CDH13: variants seen among roughly 807,000 people sequenced by gnomAD.
CDH13 encodes the protein cadherin-13.
A neutral mutation model predicts 63.8 loss-of-function variants in CDH13; 24 were observed. That is an observed-to-expected ratio of 0.38 (90% confidence interval 0.27 to 0.53). The LOEUF is 0.53. Ranked by LOEUF, CDH13 falls within the 20% of genes least tolerant of loss-of-function variation. CDH13 has a pLI of 0.85. For missense variants in CDH13, 1,049 were observed against 903.1 expected, an observed-to-expected ratio of 1.16 and a Z score of -2.07; for synonymous variants, 503 against 355.3, an observed-to-expected ratio of 1.42 and a Z score of -4.67.
At chr16:83,366,142 AT>A (rs1192249400) in intron 6 of CDH13, among the ~76,000 whole-genome samples, 3 of 152,234 alleles carry the variant, frequency 2.0e-5, no homozygotes, top group Admixed American at 1.3e-4. Context: ...TCACAACAAA[AT>A]AACAGGGATT....
chr16:83,013,540 C>T (rs1007724591), intron 2 of CDH13, among the ~76,000 whole-genome samples: 29 of 152,222 alleles, frequency 1.9e-4, no homozygotes, highest in African/African-American at 6.8e-4. Flanking sequence ...CCAATCCTCA[C>T]AAGTGGGATT....
chr16:83,238,660 G>A (rs1012871890), intron 5 of CDH13, among the ~76,000 whole-genome samples: 1 of 152,162 alleles, frequency 6.6e-6, no homozygotes, highest in Non-Finnish European at 1.5e-5. Context: ...TGGCAGGGGA[G>A]ATCCTGGTCT....
chr16:82,768,858 C>T (rs550150549), intron 1 of CDH13, among the ~76,000 whole-genome samples: 29 of 152,266 alleles, frequency 1.9e-4, no homozygotes, highest in East Asian at 1.3e-3. Context: ...ATTCTGTGTC[C>T]GCAGGCTCCC....
intron 3 of CDH13, among the ~76,000 whole-genome samples, chr16:83,103,961 G>A (rs2034640051): frequency 6.6e-6 from 1 of 152,204 alleles, no homozygotes; most frequent in Non-Finnish European, 1.5e-5. Flanking sequence ...CAAGTTCACA[G>A]AATAGCTGGT....
intron 7 of CDH13, among the ~76,000 whole-genome samples, chr16:83,555,113 C>T (rs1270610018): frequency 2.6e-5 from 4 of 152,076 alleles, no homozygotes; most frequent in African/African-American, 4.8e-5. Flanking sequence ...ACAGAGAGAG[C>T]GAGCTACTTT....
At chr16:83,191,160 A>G (rs532862051) in intron 4 of CDH13, among the ~76,000 whole-genome samples, 1 of 148,380 alleles carries the variant, frequency 6.7e-6, no homozygotes, top group South Asian at 2.3e-4. Flanking sequence ...TGTCTTTGAT[A>G]TGGAAAGAAT....
intron 8 of CDH13, among the ~76,000 whole-genome samples, chr16:83,607,885 C>CT (rs1261136597): frequency 1.3e-5 from 2 of 151,986 alleles, no homozygotes; most frequent in African/African-American, 4.8e-5. Flanking sequence ...CCATTTGTGG[C>CT]TTTTTCATTC....
chr16:83,050,477 C>T (rs1447376084), intron 3 of CDH13, among the ~76,000 whole-genome samples: 2 of 152,184 alleles, frequency 1.3e-5, no homozygotes, highest in African/African-American at 4.8e-5. Context: ...CTTGTTCTCC[C>T]ACTCTTTCTG....
intron 6 of CDH13, among the ~76,000 whole-genome samples, chr16:83,394,637 A>G (rs968035220): frequency 9.2e-5 from 14 of 152,170 alleles, no homozygotes; most frequent in Admixed American, 9.2e-4. Context: ...ACATGACCTG[A>G]CTTGCATTTT....
chr16:83,378,854 CTAGTGTTCT>C (rs1360097286), intron 6 of CDH13, among the ~76,000 whole-genome samples: 8 of 152,188 alleles, frequency 5.3e-5, no homozygotes, highest in Non-Finnish European at 1.0e-4. Flanking sequence ...TAGGATTCAG[CTAGTGTTCT>C]TAGCCTTCTA....
intron 1 of CDH13, among the ~76,000 whole-genome samples, chr16:82,811,526 A>G (rs1004300355): frequency 2.6e-5 from 4 of 152,222 alleles, no homozygotes; most frequent in African/African-American, 7.2e-5. Context: ...TTTGTTATCT[A>G]CATTCATAGT....
At chr16:83,570,942 C>CCAT (rs1338703347) in intron 7 of CDH13, among the ~76,000 whole-genome samples, 11 of 48,744 alleles carry the variant, frequency 2.3e-4, no homozygotes, top group African/African-American at 6.6e-4. Flanking sequence ...ATTTATAACT[C>CCAT]ATCCATATAT....
intron 3 of CDH13, among the ~76,000 whole-genome samples, chr16:83,082,140 A>T (rs1373700368): frequency 6.6e-6 from 1 of 152,126 alleles, no homozygotes; most frequent in Non-Finnish European, 1.5e-5. Flanking sequence ...AAATGTTATC[A>T]CATTGGGGTT....
intron 1 of CDH13, among the ~76,000 whole-genome samples, chr16:82,775,191 T>A (rs1470378188): frequency 6.6e-6 from 1 of 151,998 alleles, no homozygotes; most frequent in African/African-American, 2.4e-5. Context: ...TGTGATAGAG[T>A]GAATAGATAA....
intron 10 of CDH13, among the ~76,000 whole-genome samples, chr16:83,742,716 G>A (rs536629850): frequency 1.3e-5 from 2 of 152,102 alleles, no homozygotes; most frequent in African/African-American, 2.4e-5. Context: ...CCTCCACATC[G>A]GGAACGATGG....
intron 1 of CDH13, among the ~76,000 whole-genome samples, chr16:82,716,518 G>T (rs2032382756): frequency 6.6e-6 from 1 of 150,818 alleles, no homozygotes; most frequent in Admixed American, 6.6e-5. Context: ...TGTAAAAGTT[G>T]GGGATTATGA....
Position 83,024,618 on chromosome 16 carries a change from G to A in CDH13, c.158-7392G>A, listed in dbSNP as rs80116994. ...TCTCAGTTTCCACAGAACACCAAAA[G>A]TTCCTACCTCAAATTGATGATGTGA... On this transcript the variant is annotated intron_variant, in intron 2 of 13. Coordinates refer to ENST00000567109, the MANE Select transcript of CDH13 (RefSeq NM_001257.5). 6.0e-3 allele frequency among the ~76,000 whole-genome samples: 911 copies of A among 152,254 alleles called. 7 individuals are homozygous for A. The highest frequency in any genetic ancestry group is 0.02 in the African/African-American group (843 of 41,540).
chr16:83,682,715 C>T (rs1283057659), intron 10 of CDH13, among the ~76,000 whole-genome samples: 1 of 152,100 alleles, frequency 6.6e-6, no homozygotes, highest in Non-Finnish European at 1.5e-5. Context: ...TTTCTCTCCC[C>T]ACCCCACCAT....
intron 5 of CDH13, among the ~76,000 whole-genome samples, chr16:83,323,870 T>C: frequency 6.6e-6 from 1 of 152,138 alleles, no homozygotes; most frequent in East Asian, 1.9e-4. Flanking sequence ...TCTGAGATAG[T>C]TATTTCCTCA....
Sources: allele counts gnomAD v4.1 joint callset (sites outside exome capture counted in the v4.1 genomes callset), GRCh38; gene constraint gnomAD v4.1.1; transcripts MANE v1.5; gene names NCBI Gene and HGNC (gene_info 2026-07-23, HGNC 2026-07-21).